Variants in RGS5 observed in about 807,000 individuals in gnomAD.
RGS5 encodes regulator of G-protein signalling 5.
In RGS5, 20 loss-of-function variants were observed where a neutral mutation model predicts 18.9. The ratio of observed to expected loss-of-function variants is 1.06; its 90% confidence interval spans 0.74 to 1.54. RGS5 has a LOEUF of 1.54. Ranked by LOEUF, RGS5 falls within the 40% of genes most tolerant of loss-of-function variation. The pLI, the probability that RGS5 is intolerant of heterozygous loss-of-function variation, is 0.00. For missense variants in RGS5, 201 were observed against 211.8 expected (o/e 0.95, Z 0.32); for synonymous variants, 57 against 76.2 (o/e 0.75, Z 1.31).
chr1:163,186,593 A>G (rs1334710491), intron 1 of RGS5, among the ~76,000 whole-genome samples: 93 of 138,990 alleles, frequency 6.7e-4, no homozygotes, highest in African/African-American at 2.5e-3. Flanking sequence ...AAAAAAAAAA[A>G]AAAAGAAAAA....
chr1:163,254,003 G>C (rs1298092942), intron 2 of RGS5, among the ~76,000 whole-genome samples: 1 of 151,192 alleles, frequency 6.6e-6, no homozygotes, highest in Admixed American at 6.6e-5. Flanking sequence ...TGGCTGCATA[G>C]TATTCCATGG....
chr1:163,275,980 C>T lies in RGS5; in HGVS notation c.-281+30253G>A, dbSNP rs142264697. ...AATAGCTCGTAAAATAAGAGTCTAC[C>T]TCCTGCATTATTCTGTGGCACATTC... On this transcript the variant is annotated intron_variant, in intron 2 of 5. Coordinates refer to the RGS5 transcript ENST00000618415. Among the ~76,000 whole-genome samples, 889 of 152,028 alleles carry T rather than the reference C, an allele frequency of 5.8e-3. 14 individuals carry two copies. The highest frequency in any genetic ancestry group is 0.02 in the African/African-American group (830 of 41,464).
rs573505933 is a variant in RGS5 at position 163,228,173 on chromosome 1, T to A, written c.-280-59805A>T. Among the ~76,000 whole-genome samples the A allele has an allele frequency of 8.5e-5, 13 of 152,276 alleles. No individual in the cohort carries two copies. In the South Asian group the frequency reaches 2.5e-3, roughly 29 times the overall value. On this transcript the variant is annotated intron_variant, in intron 2 of 5. Coordinates refer to the RGS5 transcript ENST00000618415. ...TCCCCCTGTGGGACTCTGTGTGGGGTCTGCAACCCTGCATTTCCCATCCTC... is the reference window on the plus strand; with the variant it reads ...TCCCCCTGTGGGACTCTGTGTGGGGACTGCAACCCTGCATTTCCCATCCTC...
At chr1:163,180,699 T>TTTG (rs1658792253) in intron 1 of RGS5, among the ~76,000 whole-genome samples, 1 of 129,072 alleles carries the variant, frequency 7.7e-6, no homozygotes, top group African/African-American at 3.1e-5. Flanking sequence ...TTTTTTTTTT[T>TTTG]TTTTTTTTTT....
At chr1:163,230,433 T>C (rs1290221750) in intron 2 of RGS5, among the ~76,000 whole-genome samples, 3 of 151,016 alleles carry the variant, frequency 2.0e-5, no homozygotes, top group Non-Finnish European at 4.4e-5. Flanking sequence ...GAGCTATTAT[T>C]ACTTTGTCTC....
intron 2 of RGS5, among the ~76,000 whole-genome samples, chr1:163,287,208 T>C (rs1204383260): frequency 1.3e-5 from 2 of 152,214 alleles, no homozygotes; most frequent in African/African-American, 4.8e-5. Context: ...GTTTCCCTTC[T>C]TACCTTTACT....
chr1:163,217,966 A>C (rs1317083618), upstream of RGS5, among the ~76,000 whole-genome samples: 1 of 152,126 alleles, frequency 6.6e-6, no homozygotes, highest in East Asian at 1.9e-4. Context: ...CACTATTTAT[A>C]ATGTGGATTT....
At chr1:163,227,014 G>C (rs1571304674) in intron 2 of RGS5, among the ~76,000 whole-genome samples, 1 of 152,236 alleles carries the variant, frequency 6.6e-6, no homozygotes, top group African/African-American at 2.4e-5. Context: ...TCCAGTGCTT[G>C]ATAGCATGGC....
At chr1:163,218,063 C>T (rs933793663), upstream of RGS5, among the ~76,000 whole-genome samples, 1 of 151,912 alleles carries the variant, frequency 6.6e-6, no homozygotes, top group African/African-American at 2.4e-5. Context: ...TGTAATATGG[C>T]TTTGCCATAT....
chr1:163,190,662 T>A (rs937506665), intron 1 of RGS5, among the ~76,000 whole-genome samples: 3 of 152,230 alleles, frequency 2.0e-5, no homozygotes, highest in Non-Finnish European at 4.4e-5. Context: ...CCACGGTGTA[T>A]GGACAGCATC....
In RGS5 at chr1:163,164,097, T is replaced by G. The variant is rs1657929687; in HGVS notation, c.156-2121A>C. Among the ~76,000 whole-genome samples, 6 of 152,142 alleles carry G rather than the reference T, an allele frequency of 3.9e-5. No individual in the cohort carries two copies. The South Asian group carries it at 1.2e-3, about 32-fold the overall frequency. Reference sequence around the variant, plus strand: ...GGGGTGAAATTGGTCCAAATTGATTTAAGGGCACAGTCAAGTAGGATACAT... The same window carrying G: ...GGGGTGAAATTGGTCCAAATTGATTGAAGGGCACAGTCAAGTAGGATACAT... On this transcript the variant is annotated intron_variant, in intron 2 of 4. Transcript: ENST00000313961.
intron 1 of RGS5, among the ~76,000 whole-genome samples, chr1:163,313,944 G>C (rs1649941879): frequency 6.6e-6 from 1 of 151,854 alleles, no homozygotes; most frequent in Non-Finnish European, 1.5e-5. Context: ...TGGTTTCCTA[G>C]ATATGTGACC....
chr1:163,280,555 TGAA>T (rs1327924410), intron 2 of RGS5, among the ~76,000 whole-genome samples: 9 of 152,118 alleles, frequency 5.9e-5, no homozygotes, highest in South Asian at 2.1e-4. Flanking sequence ...TAGATTTAAC[TGAA>T]GAAGTGAAAG....
intron 2 of RGS5, among the ~76,000 whole-genome samples, chr1:163,277,176 C>A (rs766530701): frequency 3.3e-5 from 5 of 152,146 alleles, no homozygotes; most frequent in Non-Finnish European, 7.4e-5. Flanking sequence ...CTCTTTCAAC[C>A]AACTGCCAAT....
intron 2 of RGS5, among the ~76,000 whole-genome samples, chr1:163,293,603 C>T (rs1331929233): frequency 6.6e-6 from 1 of 152,146 alleles, no homozygotes; most frequent in African/African-American, 2.4e-5. Flanking sequence ...CCTCCCAAAT[C>T]TCATGTCCTT....
intron 1 of RGS5, among the ~76,000 whole-genome samples, chr1:163,176,089 G>A (rs945859698): frequency 3.3e-5 from 5 of 152,164 alleles, no homozygotes; most frequent in African/African-American, 1.2e-4. Flanking sequence ...TTCACAGAAA[G>A]CACGTTTATC....
At chr1:163,186,221 C>A (rs1044755987) in intron 1 of RGS5, among the ~76,000 whole-genome samples, 1 of 151,230 alleles carries the variant, frequency 6.6e-6, no homozygotes, top group Non-Finnish European at 1.5e-5. Context: ...CAGGTGCCCA[C>A]CACCACGCCT....
chr1:163,266,881 G>T (rs531275288), intron 2 of RGS5, among the ~76,000 whole-genome samples: 1 of 152,210 alleles, frequency 6.6e-6, no homozygotes, highest in African/African-American at 2.4e-5. Flanking sequence ...TAAAGAAATG[G>T]TAAAGGAGTT....
At chr1:163,219,808 A>G (rs748258075), upstream of RGS5, among the ~76,000 whole-genome samples, 2 of 152,160 alleles carry the variant, frequency 1.3e-5, no homozygotes, top group African/African-American at 2.4e-5. Context: ...CTATACCACA[A>G]TTTATTTTTC....
Sources: gnomAD v4.1 joint callset for allele counts (sites outside exome capture counted in the v4.1 genomes callset) on GRCh38, gnomAD v4.1.1 for gene constraint, MANE v1.5 for transcripts, NCBI Gene and HGNC (gene_info 2026-07-23, HGNC 2026-07-21) for gene names.